The following PI4K2B variants were observed in gnomAD, a reference collection of about 807,000 sequenced individuals.
PI4K2B encodes phosphatidylinositol 4-kinase type 2-beta.
In PI4K2B, 46 loss-of-function variants were observed where a neutral mutation model predicts 56.6. That is an observed-to-expected ratio of 0.81 (90% CI 0.64 to 1.04). The LOEUF is 1.04. Ranked by LOEUF, PI4K2B falls within the 50% of genes least tolerant of loss-of-function variation. The probability of loss-of-function intolerance (pLI) is 0.00; values close to 1 mark genes in which losing one functional copy is unlikely to be tolerated. For synonymous variants in PI4K2B, 211 were observed against 223.8 expected (o/e 0.94, Z 0.51); for missense variants, 556 against 607.7 (o/e 0.91, Z 0.89).
At chr4:25,249,420 G>A (rs1337924173) in intron 1 of PI4K2B, among the ~76,000 whole-genome samples, 1 of 148,718 alleles carries the variant, frequency 6.7e-6, no homozygotes, top group African/African-American at 2.4e-5. Flanking sequence ...CCCCGGACAG[G>A]GCGGCTGGCC....
intron 3 of PI4K2B, among the ~76,000 whole-genome samples, chr4:25,255,614 A>T (rs1294054622): frequency 6.6e-6 from 1 of 152,106 alleles, no homozygotes; most frequent in African/African-American, 2.4e-5. Flanking sequence ...TTTATACAAA[A>T]TTTTTTTCTT....
At position 25,260,536 on chromosome 4, in the gene PI4K2B, A is replaced by G; in HGVS notation, c.923A>G (p.Asp308Gly). The change falls in exon 6 of 10, where the codon GAT (aspartate) becomes GGT (glycine). Residue 308 changes from aspartate (D) to glycine (G), a missense_variant. Coordinates refer to ENST00000264864, the MANE Select transcript of PI4K2B (RefSeq NM_018323.4). The part of the protein sequence containing the change: ...YIIRNTDRGN[D>G]NWLVRYEKQK... ...TTTGTTTTGAAAGACAGGGGCAATG[A>G]TAATTGGTTAGTCAGATACGAAAAG... is the stretch of plus-strand genomic sequence containing the variant. 6.9e-7 allele frequency: 1 copy of G among 1,447,230 alleles called. No individual in the cohort carries two copies. The highest frequency in any genetic ancestry group is 2.8e-5 in the East Asian group (1 of 36,216). 89.6% of individuals were successfully genotyped at this position (1,447,230 alleles called of 1,614,324 possible).
intron 1 of PI4K2B, among the ~76,000 whole-genome samples, chr4:25,243,222 G>A (rs1344362137): frequency 6.6e-6 from 1 of 152,230 alleles, no homozygotes; most frequent in Non-Finnish European, 1.5e-5. Context: ...GGCACCCTCA[G>A]TCCTGTTGTT....
intron 1 of PI4K2B, among the ~76,000 whole-genome samples, chr4:25,239,253 C>G (rs2109083195): frequency 6.6e-6 from 1 of 152,324 alleles, no homozygotes; most frequent in Non-Finnish European, 1.5e-5. Flanking sequence ...ACTCCTCAGC[C>G]CTTGGGTGGT....
intron 7 of PI4K2B, among the ~76,000 whole-genome samples, chr4:25,266,752 C>CT (rs1007853454): frequency 6.7e-4 from 101 of 151,732 alleles, no homozygotes; most frequent in African/African-American, 1.9e-3. Flanking sequence ...CTTTTTCTTT[C>CT]TTTTTTTTGG....
chr4:25,236,188 G>GAGCA (rs1279752756), intron 1 of PI4K2B, among the ~76,000 whole-genome samples: 22 of 142,544 alleles, frequency 1.5e-4, no homozygotes, highest in African/African-American at 5.5e-4. Flanking sequence ...TCTTGAGACA[G>GAGCA]AGCAAGACTC....
At chr4:25,255,332 G>C (rs1716223865) in intron 3 of PI4K2B, 67 bp downstream of exon 3, 15 of 1,350,260 alleles carry the variant, frequency 1.1e-5, no homozygotes, top group Admixed American at 1.7e-5. Flanking sequence ...GAATATTTCA[G>C]TAATTATTCC....
rs147930153 is a variant in PI4K2B, at chr4:25,237,436, G to A, written c.268+3005G>A. 3.4e-3 allele frequency among the ~76,000 whole-genome samples: 524 copies of A among 152,028 alleles called. 5 individuals carry two copies. Among genetic ancestry groups the A allele is most frequent in the African/African-American group, 0.012 (496 of 41,442 alleles). On this transcript the variant is annotated intron_variant, in intron 1 of 9. Transcript: ENST00000264864. ...GTCACCCAGGCTGGATTGTAATGGC[G>A]TAATCTCGGCTAACTGCAACCTCCA...
At chr4:25,259,797 G>A (rs764349557) in intron 5 of PI4K2B, among the ~76,000 whole-genome samples, 111 of 152,276 alleles carry the variant, frequency 7.3e-4, no homozygotes, top group Admixed American at 1.7e-3. Context: ...GGCAGCATGC[G>A]GCCTGCAGGC....
intron 1 of PI4K2B, among the ~76,000 whole-genome samples, chr4:25,239,151 A>G (rs1403587495): frequency 6.6e-6 from 1 of 152,210 alleles, no homozygotes; most frequent in African/African-American, 2.4e-5. Context: ...CTAAGTCCCC[A>G]CTAGACTCAG....
intron 1 of PI4K2B, among the ~76,000 whole-genome samples, chr4:25,235,537 G>T (rs140051526): frequency 1.2e-4 from 19 of 152,302 alleles, no homozygotes; most frequent in African/African-American, 3.8e-4. Flanking sequence ...AAGGGGAGCA[G>T]TTTGTCTGAT....
intron 1 of PI4K2B, among the ~76,000 whole-genome samples, chr4:25,249,244 C>T (rs1715926923): frequency 6.6e-6 from 1 of 152,176 alleles, no homozygotes; most frequent in African/African-American, 2.4e-5. Context: ...TCTGATCTCT[C>T]TTTCTTTTCC....
intron 9 of PI4K2B, among the ~76,000 whole-genome samples, chr4:25,276,014 T>A (rs186263323): frequency 6.6e-6 from 1 of 152,224 alleles, no homozygotes; most frequent in Non-Finnish European, 1.5e-5. Context: ...GAAGTTTATT[T>A]ATTAGTATGG....
intron 9 of PI4K2B, among the ~76,000 whole-genome samples, chr4:25,275,949 G>A (rs1717077275): frequency 6.6e-6 from 1 of 151,968 alleles, no homozygotes. Context: ...CAATCAATCA[G>A]TCAATCAATC....
At chr4:25,260,480 G>T in intron 5 of PI4K2B, 44 bp from the exon 6 acceptor site, 1 of 803,862 alleles carries the variant, frequency 1.2e-6, no homozygotes. Flanking sequence ...AAGCCATGAT[G>T]TCCATAGAAA....
At position 25,246,939 on chromosome 4, in the gene PI4K2B, G is replaced by A. The variant is rs1715810933; in HGVS notation, c.269-5382G>A. Among the ~76,000 whole-genome samples the A allele has an allele frequency of 2.0e-5, 3 of 152,208 alleles. No individual in the cohort carries two copies. In the South Asian group the frequency reaches 6.2e-4, roughly 31 times the overall value. The stretch of plus-strand genomic sequence containing the variant: ...GGGCCTGCCCAGCCCATGCCCACCT[G>A]GAACTTGCGCTGGCCTGCAAGCGCC... On this transcript the variant is annotated intron_variant, in intron 1 of 9. Transcript: ENST00000264864.
chr4:25,267,887 T>C lies in PI4K2B; in HGVS notation c.1079-556T>C. 3.0e-6 allele frequency: 3 copies of C among 983,624 alleles called. 1 individual carries two copies. The South Asian group carries it at 1.4e-4, about 46-fold the overall frequency. The allele number at this position is 983,624 out of a possible 1,614,324, so 60.9% of individuals were successfully genotyped here. A position where few individuals can be genotyped will look rare whatever the true frequency, so the allele number is the denominator to read the frequency against. On this transcript the variant is annotated intron_variant, in intron 7 of 9. Coordinates refer to ENST00000264864, the MANE Select transcript of PI4K2B (RefSeq NM_018323.4). ...GTACAAGTAAGTGGTCAATTTCTGA[T>C]GATTTGTAGCTGTGGAGGCTAGGCA...
chr4:25,244,230 G>T (rs998249884), intron 1 of PI4K2B, among the ~76,000 whole-genome samples: 8 of 152,228 alleles, frequency 5.3e-5, no homozygotes, highest in African/African-American at 1.9e-4. Flanking sequence ...ATAACCAATA[G>T]CCCGGGGGTT....
Position 25,278,596 on chromosome 4 carries a change from T to G in PI4K2B, c.*1409T>G, listed in dbSNP as rs895471062. ...ATTCTGCTGCCCTGAGGGAGTTCATTGGAAACCTGCGTTCTCCTACCTCTT... is the reference window on the plus strand; with the variant it reads ...ATTCTGCTGCCCTGAGGGAGTTCATGGGAAACCTGCGTTCTCCTACCTCTT... On this transcript the variant is annotated 3_prime_UTR_variant, in exon 10 of 10. Transcript: ENST00000264864. 2 of 152,652 alleles carry G rather than the reference T, an allele frequency of 1.3e-5. No homozygotes were observed. Among genetic ancestry groups the G allele is most frequent in the Non-Finnish European group, 2.9e-5 (2 of 68,038 alleles). 9.5% of individuals were successfully genotyped at this position (152,652 alleles called of 1,614,324 possible). A position where few individuals can be genotyped will look rare whatever the true frequency, so the allele number is the denominator to read the frequency against.
Sources: allele counts gnomAD v4.1 joint callset (sites outside exome capture counted in the v4.1 genomes callset), GRCh38; gene constraint gnomAD v4.1.1; transcripts MANE v1.5; gene names NCBI Gene and HGNC (gene_info 2026-07-23, HGNC 2026-07-21).